The following LOXHD1 variants were observed in gnomAD, a reference collection of about 807,000 sequenced individuals.
LOXHD1 encodes lipoxygenase homology PLAT domains 1, also known as lipoxygenase homology domain-containing protein 1.
Under a neutral mutation model 248.2 loss-of-function variants are expected in LOXHD1, and 205 were observed. The observed-to-expected ratio is 0.83, with a 90% confidence interval of 0.74 to 0.93. The LOEUF (loss-of-function observed/expected upper bound fraction) is 0.93. LOXHD1 is among the 40% of genes least tolerant of loss of function. The pLI is 0.00. For missense variants in LOXHD1, 2,930 were observed against 2,971.6 expected (o/e 0.99, Z 0.33); for synonymous variants, 1,113 against 1,162.8 (o/e 0.96, Z 0.87).
intron 26 of LOXHD1, 88 bp downstream of exon 26, chr18:46,538,068 G>A: frequency 8.3e-7 from 1 of 1,208,954 alleles, no homozygotes; most frequent in Non-Finnish European, 1.1e-6. Flanking sequence ...TCAGGATGAA[G>A]GGCATGTGTT....
chr18:46,582,310 A>C (rs1333749292), intron 12 of LOXHD1, among the ~76,000 whole-genome samples: 2 of 152,202 alleles, frequency 1.3e-5, no homozygotes, highest in African/African-American at 4.8e-5. Context: ...ATTGGAACAA[A>C]GTTTTTGTAT....
downstream of LOXHD1, chr18:46,477,036 A>G (rs924474995): frequency 2.2e-5 from 14 of 631,006 alleles, no homozygotes; most frequent in Admixed American, 2.7e-4. Flanking sequence ...GCAGATGCTA[A>G]GATGAGTTCT....
intron 12 of LOXHD1, among the ~76,000 whole-genome samples, chr18:46,583,299 G>A (rs962526626): frequency 6.6e-6 from 1 of 152,058 alleles, no homozygotes; most frequent in African/African-American, 2.4e-5. Flanking sequence ...GGCAGAAAAA[G>A]CAAAAATAGA....
chr18:46,618,807 C>A (rs2038627107), intron 4 of LOXHD1, among the ~76,000 whole-genome samples: 1 of 152,204 alleles, frequency 6.6e-6, no homozygotes, highest in African/African-American at 2.4e-5. Flanking sequence ...AGATGAAAAT[C>A]AAATTTATCT....
At position 46,572,071 on chromosome 18, in the gene LOXHD1, A is replaced by G. The variant is rs1048096626; in HGVS notation, c.2047+15T>C. On this transcript the variant is annotated intron_variant, in intron 15 of 40. Coordinates refer to ENST00000642948, the MANE Select transcript of LOXHD1 (RefSeq NM_001384474.1). ...CCAAGGGCACACCCAGCACCTGGTC[A>G]TCAGGACAACTCACTCTTCAGTGTC... The G allele has an allele frequency of 6.4e-7, 1 of 1,551,246 alleles. No individual in the cohort carries two copies. The highest frequency in any genetic ancestry group is 1.4e-5 in the African/African-American group (1 of 73,176).
intron 4 of LOXHD1, among the ~76,000 whole-genome samples, chr18:46,636,768 C>A (rs914865491): frequency 6.6e-6 from 1 of 152,164 alleles, no homozygotes; most frequent in African/African-American, 2.4e-5. Flanking sequence ...TTTTTATCAT[C>A]GAAGTAGCAG....
chr18:46,499,912 C>T (rs539063683), intron 37 of LOXHD1, among the ~76,000 whole-genome samples: 6 of 152,018 alleles, frequency 3.9e-5, no homozygotes, highest in Non-Finnish European at 7.4e-5. Flanking sequence ...CCTCATGTTT[C>T]CTCTATTAAA....
chr18:46,652,576 G>A (rs987772343), intron 1 of LOXHD1, among the ~76,000 whole-genome samples: 1 of 152,198 alleles, frequency 6.6e-6, no homozygotes, highest in African/African-American at 2.4e-5. Context: ...TGGGCAAGAA[G>A]GTGGAGCCAT....
chr18:46,643,602 G>A (rs754613433), intron 2 of LOXHD1, among the ~76,000 whole-genome samples: 1 of 152,152 alleles, frequency 6.6e-6, no homozygotes, highest in Non-Finnish European at 1.5e-5. Context: ...CTTTCGTTCA[G>A]AGTCACAGCA....
chr18:46,604,081 G>A (rs754101933), intron 7 of LOXHD1, 25 bp downstream of exon 7: 11 of 1,551,554 alleles, frequency 7.1e-6, no homozygotes, highest in East Asian at 2.4e-5. Flanking sequence ...ATACCCAAAA[G>A]AGCCTCCCCT....
chr18:46,564,135 CAT>C lies in LOXHD1; in HGVS notation c.2438-912_2438-911del, dbSNP rs527569568. Among the ~76,000 whole-genome samples, 324 of 151,872 alleles carry C rather than the reference CAT, an allele frequency of 2.1e-3. 3 individuals are homozygous for C. The highest frequency in any genetic ancestry group is 7.3e-3 in the African/African-American group (304 of 41,390). On this transcript the variant is annotated intron_variant, in intron 17 of 40. Transcript: ENST00000642948. ...GTGTGTGTGCACGCACACACGCACACATGAGGGCCCATACAAGTGCTTGTGTA... is the reference window on the plus strand; with the variant it reads ...GTGTGTGTGCACGCACACACGCACACGAGGGCCCATACAAGTGCTTGTGTA...
chr18:46,563,935 GA>G (rs2144041484), intron 17 of LOXHD1, among the ~76,000 whole-genome samples: 1 of 152,060 alleles, frequency 6.6e-6, no homozygotes, highest in South Asian at 2.1e-4. Context: ...GCGATCCATC[GA>G]AAAAGGAGAC....
At chr18:46,597,669 A>G (rs1400074329) in intron 8 of LOXHD1, among the ~76,000 whole-genome samples, 1 of 152,094 alleles carries the variant, frequency 6.6e-6, no homozygotes. Context: ...GAAAGGACAT[A>G]CTTCTCATTT....
chr18:46,516,718 A>G (rs897085934), intron 34 of LOXHD1, among the ~76,000 whole-genome samples: 5 of 151,830 alleles, frequency 3.3e-5, no homozygotes, highest in African/African-American at 1.2e-4. Flanking sequence ...CACTGCCCTC[A>G]TCATCATAAT....
chr18:46,651,285 CA>C (rs1437657450), intron 1 of LOXHD1, among the ~76,000 whole-genome samples: 4 of 152,154 alleles, frequency 2.6e-5, no homozygotes, highest in Non-Finnish European at 1.5e-5. Context: ...GGGAGAAAAG[CA>C]GCCATATATT....
intron 2 of LOXHD1, 35 bp from the exon 3 acceptor site, chr18:46,642,071 T>C: frequency 6.5e-7 from 1 of 1,542,252 alleles, no homozygotes; most frequent in Non-Finnish European, 8.8e-7. Context: ...GCAGATCAGC[T>C]GTTGGCTCAC....
At chr18:46,545,276 G>C (rs1213592045) in intron 23 of LOXHD1, 41 bp downstream of exon 23, 2 of 1,424,120 alleles carry the variant, frequency 1.4e-6, no homozygotes, top group South Asian at 2.5e-5. Flanking sequence ...TCTCCCTGGG[G>C]AAGAATGTGG....
chr18:46,622,697 G>T (rs2038685289), intron 4 of LOXHD1, among the ~76,000 whole-genome samples: 1 of 152,208 alleles, frequency 6.6e-6, no homozygotes, highest in South Asian at 2.1e-4. Context: ...TTTCTCTGTT[G>T]CAGTAGAGCA....
At position 46,485,168 on chromosome 18, in the gene LOXHD1, G is replaced by C. The variant is rs1418180570; in HGVS notation, c.6050-17C>G. 1 of 1,547,206 alleles carries C rather than the reference G, an allele frequency of 6.5e-7. No homozygotes were observed. The highest frequency in any genetic ancestry group is 8.7e-7 in the Non-Finnish European group (1 of 1,144,240). On this transcript the variant is annotated splice_polypyrimidine_tract_variant and intron_variant, in intron 38 of 40. Transcript: ENST00000642948. ...TCTCGTAGGCTGTAATGGAGGAGGT[G>C]GGGGAGGGTCAGCACAGGGGAAGCA...
Sources: allele counts gnomAD v4.1 joint callset (sites outside exome capture counted in the v4.1 genomes callset), GRCh38; gene constraint gnomAD v4.1.1; transcripts MANE v1.5; gene names NCBI Gene and HGNC (gene_info 2026-07-23, HGNC 2026-07-21).